Variants in DYRK1A observed in about 807,000 individuals in gnomAD.
DYRK1A encodes the protein dual specificity tyrosine phosphorylation regulated kinase 1A.
A neutral mutation model predicts 79.7 loss-of-function variants in DYRK1A; 9 were observed. The observed-to-expected ratio is 0.11, with a 90% CI of 0.07 to 0.20. The LOEUF (loss-of-function observed/expected upper bound fraction) is 0.20. Ranked by LOEUF, DYRK1A falls within the 10% of genes least tolerant of loss-of-function variation. The pLI is 1.00. For synonymous variants in DYRK1A, 349 were observed against 329.7 expected, an observed-to-expected ratio of 1.06 and a Z score of -0.63; for missense variants, 622 against 956.0, an observed-to-expected ratio of 0.65 and a Z score of 4.61.
chr21:37,505,283 G>A lies in DYRK1A; in HGVS notation c.1213G>A (p.Glu405Lys), dbSNP rs1555990703. 6.2e-7 allele frequency: 1 copy of A among 1,605,736 alleles called. No homozygotes were observed. The highest frequency in any genetic ancestry group is 8.5e-7 in the Non-Finnish European group (1 of 1,174,122). ...AAGCCTTTCATCTTCTCTCTTACAG[G>A]AGTACAAACCACCAGGAACCCGTAA... ...NLKKTKDGKR[E>K]YKPPGTRKLH... Residue 405 changes from glutamate to lysine, a missense_variant and splice_region_variant, in exon 10 of 12, where the codon GAG becomes AAG. Transcript: ENST00000647188.
chr21:37,464,857 T>TAG (rs961990492), intron 2 of DYRK1A, among the ~76,000 whole-genome samples: 15 of 152,208 alleles, frequency 9.9e-5, no homozygotes, highest in African/African-American at 3.6e-4. Context: ...TTTAGGAAGA[T>TAG]AGAAACTTAA....
chr21:37,414,043 A>C (rs1300538142), intron 1 of DYRK1A, among the ~76,000 whole-genome samples: 2 of 152,122 alleles, frequency 1.3e-5, no homozygotes, highest in East Asian at 1.9e-4. Context: ...TGATGATGCA[A>C]ATATAAATTG....
intron 1 of DYRK1A, among the ~76,000 whole-genome samples, chr21:37,391,631 T>C (rs987161080): frequency 6.6e-6 from 1 of 152,238 alleles, no homozygotes; most frequent in Non-Finnish European, 1.5e-5. Context: ...TGTTCCTGAT[T>C]GGGCTGTTCT....
intron 4 of DYRK1A, among the ~76,000 whole-genome samples, chr21:37,479,862 C>T (rs989906072): frequency 6.6e-6 from 1 of 151,734 alleles, no homozygotes; most frequent in South Asian, 2.1e-4. Flanking sequence ...CTCCTGACCT[C>T]GTGATCCACC....
At chr21:37,481,045 G>C in intron 5 of DYRK1A, 1 of 446,604 alleles carries the variant, frequency 2.2e-6, no homozygotes, top group Non-Finnish European at 3.9e-6. Context: ...TGGCTACCAA[G>C]TGCTCATTTT....
intron 1 of DYRK1A, among the ~76,000 whole-genome samples, chr21:37,417,534 T>TCTTTTC (rs1555959240): frequency 3.6e-5 from 3 of 84,234 alleles, no homozygotes; most frequent in African/African-American, 1.3e-4. Flanking sequence ...TTTTTCTTTT[T>TCTTTTC]TTTTTTTTTT....
chr21:37,486,350 ATAAT>A, intron 5 of DYRK1A, 113 bp from the exon 6 acceptor site: 1 of 825,850 alleles, frequency 1.2e-6, no homozygotes, highest in Non-Finnish European at 1.7e-6. Flanking sequence ...GGTCAGAAAA[ATAAT>A]TATAAAAACA....
intron 1 of DYRK1A, among the ~76,000 whole-genome samples, chr21:37,375,519 C>CTTT (rs58948987): frequency 0.15 from 11,782 of 81,062 alleles, 1,377 homozygotes; most frequent in East Asian, 0.29. Context: ...AGGAATATTA[C>CTTT]TTTTTTTTTT....
At chr21:37,442,545 T>G (rs900813649) in intron 2 of DYRK1A, among the ~76,000 whole-genome samples, 3 of 152,172 alleles carry the variant, frequency 2.0e-5, no homozygotes, top group African/African-American at 7.2e-5. Context: ...TTTTTATCAT[T>G]CACATTGTAG....
intron 1 of DYRK1A, among the ~76,000 whole-genome samples, chr21:37,394,911 C>T (rs1285184961): frequency 6.6e-6 from 1 of 152,176 alleles, no homozygotes; most frequent in Admixed American, 6.5e-5. Context: ...CATAAACCTC[C>T]TCCTGGGTTA....
chr21:37,420,578 T>C (rs1331440417), intron 2 of DYRK1A, among the ~76,000 whole-genome samples, 194 bp downstream of exon 2: 1 of 152,136 alleles, frequency 6.6e-6, no homozygotes, highest in Non-Finnish European at 1.5e-5. Context: ...TTTATAGTGG[T>C]GTTATTACAA....
At chr21:37,411,368 C>CT (rs1430533036) in intron 1 of DYRK1A, among the ~76,000 whole-genome samples, 1 of 145,346 alleles carries the variant, frequency 6.9e-6, no homozygotes, top group African/African-American at 2.5e-5. Flanking sequence ...CCCCAACCCC[C>CT]TCCCCCCCAA....
At chr21:37,373,331 G>C (rs947347522) in intron 1 of DYRK1A, among the ~76,000 whole-genome samples, 3 of 152,172 alleles carry the variant, frequency 2.0e-5, no homozygotes, top group Admixed American at 2.0e-4. Context: ...TTATTCAGTA[G>C]GAAGCTCTAT....
intron 2 of DYRK1A, among the ~76,000 whole-genome samples, chr21:37,424,324 T>TA (rs2050558138): frequency 6.6e-6 from 1 of 152,208 alleles, no homozygotes; most frequent in African/African-American, 2.4e-5. Context: ...CTCATGTTTT[T>TA]ACTTTTTGTT....
chr21:37,482,707 T>C (rs1423216971), intron 5 of DYRK1A, among the ~76,000 whole-genome samples: 3 of 152,198 alleles, frequency 2.0e-5, no homozygotes, highest in African/African-American at 7.2e-5. Flanking sequence ...AGCCTGGGGG[T>C]GCTATGGGAG....
intron 1 of DYRK1A, among the ~76,000 whole-genome samples, chr21:37,378,884 A>G (rs1319994916): frequency 1.3e-5 from 2 of 152,158 alleles, no homozygotes; most frequent in Admixed American, 1.3e-4. Flanking sequence ...TCGAGTGTGC[A>G]TTGTGGAGAT....
At chr21:37,473,877 G>T (rs527411648) in intron 3 of DYRK1A, among the ~76,000 whole-genome samples, 1 of 152,178 alleles carries the variant, frequency 6.6e-6, no homozygotes, top group African/African-American at 2.4e-5. Flanking sequence ...GCGTGTTTGA[G>T]AATTGGGACA....
At chr21:37,394,242 AT>A (rs1333541823) in intron 1 of DYRK1A, among the ~76,000 whole-genome samples, 4 of 130,968 alleles carry the variant, frequency 3.1e-5, no homozygotes, top group Non-Finnish European at 6.7e-5. Flanking sequence ...TTTTTTTCTA[AT>A]TTTTTTAAAT....
intron 1 of DYRK1A, 32 bp downstream of exon 1, chr21:37,367,660 G>A (rs1453211497): frequency 6.9e-6 from 1 of 144,758 alleles, no homozygotes; most frequent in East Asian, 2.1e-4. Flanking sequence ...GGCCCCGCCC[G>A]GCCTGGCGCT....
Sources: allele counts gnomAD v4.1 joint callset (sites outside exome capture counted in the v4.1 genomes callset), GRCh38; gene constraint gnomAD v4.1.1; transcripts MANE v1.5; gene names NCBI Gene and HGNC (gene_info 2026-07-23, HGNC 2026-07-21).